Variants in UBAP1 observed in about 807,000 individuals in gnomAD.
UBAP1 encodes ubiquitin associated protein 1.
In UBAP1, 5 loss-of-function variants were observed where a neutral mutation model predicts 39.0. The observed-to-expected ratio is 0.13, with a 90% confidence interval of 0.07 to 0.27. The LOEUF is 0.27. UBAP1 is among the 10% of genes least tolerant of loss of function. UBAP1 has a pLI of 1.00. For synonymous variants in UBAP1, 211 were observed against 225.1 expected (o/e 0.94, Z 0.56); for missense variants, 490 against 608.1 (o/e 0.81, Z 2.04).
intron 1 of UBAP1, among the ~76,000 whole-genome samples, chr9:34,205,793 ACCAGCCTGG>A (rs1039909772): frequency 2.5e-4 from 38 of 152,198 alleles, no homozygotes; most frequent in African/African-American, 8.9e-4. Context: ...AGAGATTGAG[ACCAGCCTGG>A]CCAACATGGT....
At chr9:34,240,319 CTA>C (rs1563919349) in intron 3 of UBAP1, among the ~76,000 whole-genome samples, 1 of 152,140 alleles carries the variant, frequency 6.6e-6, no homozygotes, top group East Asian at 1.9e-4. Context: ...GGGCTCTTTC[CTA>C]TGTTTCTTCT....
chr9:34,239,154 C>T (rs1833840838), intron 3 of UBAP1, among the ~76,000 whole-genome samples: 1 of 152,254 alleles, frequency 6.6e-6, no homozygotes. Context: ...AAGAGATTCT[C>T]CTGCCTTAGC....
intron 1 of UBAP1, among the ~76,000 whole-genome samples, chr9:34,204,619 A>G (rs923012886): frequency 2.0e-5 from 3 of 152,178 alleles, no homozygotes; most frequent in African/African-American, 7.2e-5. Flanking sequence ...TTAATTCTGG[A>G]AAGAATTCCA....
At chr9:34,199,644 C>G (rs1176078010) in intron 1 of UBAP1, among the ~76,000 whole-genome samples, 1 of 149,186 alleles carries the variant, frequency 6.7e-6, no homozygotes, top group African/African-American at 2.5e-5. Context: ...TTTTCTCTCT[C>G]TTTTTTTGAG....
chr9:34,211,192 C>G (rs1303333696), intron 1 of UBAP1, among the ~76,000 whole-genome samples: 5 of 151,974 alleles, frequency 3.3e-5, no homozygotes, highest in Non-Finnish European at 7.4e-5. Context: ...GTTATTCAGT[C>G]TACTACCTTT....
At chr9:34,196,261 T>A (rs938445719) in intron 1 of UBAP1, among the ~76,000 whole-genome samples, 1 of 151,484 alleles carries the variant, frequency 6.6e-6, no homozygotes, top group East Asian at 1.9e-4. Flanking sequence ...TACCTCAGCC[T>A]CTTGAGTAGC....
chr9:34,179,913 A>T (rs1829918292), intron 1 of UBAP1, among the ~76,000 whole-genome samples: 1 of 152,146 alleles, frequency 6.6e-6, no homozygotes, highest in Non-Finnish European at 1.5e-5. Context: ...TTGTTTCCAG[A>T]CTAGCGTCTT....
At chr9:34,209,680 C>T (rs979746386) in intron 1 of UBAP1, among the ~76,000 whole-genome samples, 2 of 148,670 alleles carry the variant, frequency 1.3e-5, no homozygotes, top group Non-Finnish European at 3.0e-5. Context: ...TCTCTGAAGT[C>T]GTTATCTTTC....
At chr9:34,226,944 CAT>C (rs1491511881) in intron 2 of UBAP1, among the ~76,000 whole-genome samples, 2 of 152,016 alleles carry the variant, frequency 1.3e-5, no homozygotes, top group Non-Finnish European at 2.9e-5. Flanking sequence ...TCTGCTCACA[CAT>C]GTTTAGTTTT....
chr9:34,187,655 G>A (rs1432271050), intron 1 of UBAP1, among the ~76,000 whole-genome samples: 1 of 151,530 alleles, frequency 6.6e-6, no homozygotes, highest in Non-Finnish European at 1.5e-5. Flanking sequence ...GCTTTATCAA[G>A]AATAGTTGTG....
chr9:34,195,875 G>T (rs1831007766), intron 1 of UBAP1, among the ~76,000 whole-genome samples: 1 of 147,628 alleles, frequency 6.8e-6, no homozygotes, highest in African/African-American at 2.5e-5. Flanking sequence ...GGGATTACAG[G>T]CATGAGCCAC....
At chr9:34,222,973 T>C (rs1365138074) in intron 2 of UBAP1, among the ~76,000 whole-genome samples, 1 of 152,230 alleles carries the variant, frequency 6.6e-6, no homozygotes, top group African/African-American at 2.4e-5. Context: ...TTTACACTTA[T>C]TTCAAAAGAT....
intron 1 of UBAP1, among the ~76,000 whole-genome samples, chr9:34,208,539 A>G (rs1235508161): frequency 1.3e-5 from 2 of 152,116 alleles, no homozygotes; most frequent in Admixed American, 1.3e-4. Flanking sequence ...GCACTTTGGG[A>G]GGCCGAGGCG....
chr9:34,239,958 AAAAAC>A (rs1275194203), intron 3 of UBAP1, among the ~76,000 whole-genome samples: 1 of 152,180 alleles, frequency 6.6e-6, no homozygotes, highest in East Asian at 1.9e-4. Flanking sequence ...TTGGTAACTA[AAAAAC>A]AAAAGTTCAA....
At chr9:34,218,655 C>T (rs986711429) in intron 1 of UBAP1, among the ~76,000 whole-genome samples, 8 of 152,044 alleles carry the variant, frequency 5.3e-5, no homozygotes, top group African/African-American at 1.2e-4. Context: ...ACTGTGAGAC[C>T]GGGTGCAGTG....
intron 2 of UBAP1, among the ~76,000 whole-genome samples, chr9:34,226,144 T>G (rs1833083254): frequency 1.5e-5 from 2 of 136,682 alleles, no homozygotes; most frequent in Admixed American, 7.4e-5. Flanking sequence ...TGTGTGTGTG[T>G]GTGTGTGTGT....
At chr9:34,248,805 G>GCTC (rs1252665003) in intron 4 of UBAP1, among the ~76,000 whole-genome samples, 3 of 152,150 alleles carry the variant, frequency 2.0e-5, no homozygotes, top group Non-Finnish European at 4.4e-5. Flanking sequence ...ACCTAACCAT[G>GCTC]CTCCCTCTCC....
intron 1 of UBAP1, among the ~76,000 whole-genome samples, chr9:34,196,826 C>G (rs1831087118): frequency 6.6e-6 from 1 of 151,760 alleles, no homozygotes. Context: ...TTCTTCCGCT[C>G]TAAGATTTGC....
At position 34,252,473 on chromosome 9, in the gene UBAP1, CT is replaced by C. The variant is rs1191422266; in HGVS notation, c.*942del. 6.1e-5 allele frequency: 1 copy of C among 16,450 alleles called. No homozygotes were observed. The highest frequency in any genetic ancestry group is 1.3e-4 in the African/African-American group (1 of 7,604). 1.0% of individuals were successfully genotyped at this position (16,450 alleles called of 1,614,324 possible). ...TCTTGAATCTAAAATAATTTGCTAA[CT>C]AACTATTTTGATTCTTCAGAGAGAA... On this transcript the variant is annotated 3_prime_UTR_variant, in exon 7 of 7. Coordinates refer to ENST00000297661, the MANE Select transcript of UBAP1 (RefSeq NM_016525.5).
Sources: allele counts gnomAD v4.1 joint callset (sites outside exome capture counted in the v4.1 genomes callset), GRCh38; gene constraint gnomAD v4.1.1; transcripts MANE v1.5; gene names NCBI Gene and HGNC (gene_info 2026-07-23, HGNC 2026-07-21).